LEKR1: variants seen among roughly 807,000 people sequenced by gnomAD.
The protein encoded by LEKR1 is leucine, glutamate and lysine rich 1.
A neutral mutation model predicts 72.4 loss-of-function variants in LEKR1; 59 were observed. The ratio of observed to expected loss-of-function variants is 0.82; its 90% CI spans 0.66 to 1.01. The LOEUF is 1.01. LEKR1 is among the 50% of genes least tolerant of loss of function. LEKR1 has a pLI of 0.00. For missense variants in LEKR1, 728 were observed against 759.2 expected, an observed-to-expected ratio of 0.96 and a Z score of 0.48; for synonymous variants, 257 against 263.2, an observed-to-expected ratio of 0.98 and a Z score of 0.23.
chr3:156,859,592 T>A (rs1716517522), intron 3 of LEKR1, among the ~76,000 whole-genome samples: 1 of 152,172 alleles, frequency 6.6e-6, no homozygotes, highest in African/African-American at 2.4e-5. Context: ...TGACACATCA[T>A]CATCATCCCA....
chr3:156,852,897 C>A lies in LEKR1; in HGVS notation c.178C>A (p.Arg60Ser), dbSNP rs139200350. 2.0e-6 allele frequency: 3 copies of A among 1,522,762 alleles called. No homozygotes were observed. In the South Asian group the frequency reaches 3.6e-5, roughly 18 times the overall value. The allele number at this position is 1,522,762 out of a possible 1,614,324, so 94.3% of individuals were successfully genotyped here. A position where few individuals can be genotyped will look rare whatever the true frequency, so the allele number is the denominator to read the frequency against. ...EMKFYQGSVD[R>S]EKRLQEKLHS... Reference sequence around the variant, plus strand: ...GAAATTTTATCAAGGAAGTGTAGATCGTGAAAAGAGACTTCAAGAAAAGCT... The same window carrying A: ...GAAATTTTATCAAGGAAGTGTAGATAGTGAAAAGAGACTTCAAGAAAAGCT... Residue 60 changes from arginine (R) to serine (S), a missense_variant, in exon 3 of 13, where the codon CGT (arginine) becomes AGT (serine). Physicochemically the swap from Arg to Ser is moderately radical, Grantham distance 110. Transcript: ENST00000356539.
At chr3:156,848,903 T>G (rs1399858922) in intron 2 of LEKR1, among the ~76,000 whole-genome samples, 1 of 152,178 alleles carries the variant, frequency 6.6e-6, no homozygotes, top group Non-Finnish European at 1.5e-5. Context: ...TATTCATTTT[T>G]TATTATTATA....
intron 3 of LEKR1, among the ~76,000 whole-genome samples, chr3:156,874,229 CTT>C (rs1222091138): frequency 6.6e-6 from 1 of 151,866 alleles, no homozygotes; most frequent in Non-Finnish European, 1.5e-5. Context: ...ATATCTTTCT[CTT>C]TGGTAAAATT....
intron 7 of LEKR1, among the ~76,000 whole-genome samples, chr3:156,989,058 C>CT: frequency 6.6e-6 from 1 of 152,034 alleles, no homozygotes; most frequent in Non-Finnish European, 1.5e-5. Flanking sequence ...GTCTTGAACT[C>CT]TGACTTCATG....
chr3:156,934,259 T>C (rs1331762892), intron 5 of LEKR1, among the ~76,000 whole-genome samples: 1 of 152,210 alleles, frequency 6.6e-6, no homozygotes, highest in Non-Finnish European at 1.5e-5. Context: ...GAGTGCTGTA[T>C]TACTAGTGTT....
intron 2 of LEKR1, among the ~76,000 whole-genome samples, chr3:156,846,989 A>C (rs945784905): frequency 6.6e-6 from 1 of 151,836 alleles, no homozygotes; most frequent in Non-Finnish European, 1.5e-5. Flanking sequence ...ATTTTTAAAA[A>C]ATTTTTTGTA....
intron 3 of LEKR1, among the ~76,000 whole-genome samples, chr3:156,891,604 A>G (rs1720674419): frequency 2.6e-5 from 4 of 152,210 alleles, no homozygotes; most frequent in Non-Finnish European, 5.9e-5. Context: ...CCATAACTCA[A>G]CTGAATGTGG....
At chr3:156,870,300 G>T (rs1253782681) in intron 3 of LEKR1, among the ~76,000 whole-genome samples, 1 of 151,984 alleles carries the variant, frequency 6.6e-6, no homozygotes, top group African/African-American at 2.4e-5. Flanking sequence ...CATTGCTATG[G>T]TCATTTTAAT....
At chr3:157,038,459 G>T (rs958627366) in intron 12 of LEKR1, among the ~76,000 whole-genome samples, 1 of 152,196 alleles carries the variant, frequency 6.6e-6, no homozygotes, top group African/African-American at 2.4e-5. Context: ...TGGAGATGTC[G>T]ATTTTGGACA....
At chr3:157,013,219 C>G (rs1733044131) in intron 10 of LEKR1, among the ~76,000 whole-genome samples, 1 of 152,246 alleles carries the variant, frequency 6.6e-6, no homozygotes, top group Admixed American at 6.5e-5. Context: ...TGAGCTCCTT[C>G]TCTTAGTATG....
rs761539232 is a variant in LEKR1, at chr3:157,020,533, G to GT, written c.1204-4221dup. On this transcript the variant is annotated intron_variant, in intron 10 of 12. Coordinates refer to ENST00000356539, the MANE Select transcript of LEKR1 (RefSeq NM_001004316.3). ...TATGAGTGAGAACACGCGGTGTTTG[G>GT]TTTTTTGTCCTTGCGATAGTTTACT... Among the ~76,000 whole-genome samples, 25 of 147,484 alleles carry GT rather than the reference G, an allele frequency of 1.7e-4. No individual in the cohort carries two copies. In the South Asian group the frequency reaches 4.2e-3, roughly 24 times the overall value.
intron 3 of LEKR1, among the ~76,000 whole-genome samples, chr3:156,871,890 AT>A (rs1462222628): frequency 6.6e-6 from 1 of 151,880 alleles, no homozygotes; most frequent in Non-Finnish European, 1.5e-5. Flanking sequence ...TTGGCTTATA[AT>A]TTTATTTTTA....
At chr3:157,018,079 A>C (rs925426158) in intron 10 of LEKR1, among the ~76,000 whole-genome samples, 1 of 152,150 alleles carries the variant, frequency 6.6e-6, no homozygotes, top group African/African-American at 2.4e-5. Flanking sequence ...AATAATGACA[A>C]AGGGATCAGT....
chr3:157,012,913 T>C (rs1733008163), intron 10 of LEKR1, among the ~76,000 whole-genome samples: 1 of 152,064 alleles, frequency 6.6e-6, no homozygotes, highest in Non-Finnish European at 1.5e-5. Flanking sequence ...GTTTAAAAAT[T>C]GAAAAAGAAG....
intron 3 of LEKR1, 61 bp from the exon 4 acceptor site, chr3:156,920,514 T>A: frequency 9.9e-7 from 1 of 1,006,626 alleles, no homozygotes; most frequent in Non-Finnish European, 1.4e-6. Flanking sequence ...TATATTTAAA[T>A]GTTAACTTGA....
chr3:157,037,596 A>G (rs1577028538), intron 12 of LEKR1, among the ~76,000 whole-genome samples: 1 of 152,170 alleles, frequency 6.6e-6, no homozygotes, highest in East Asian at 1.9e-4. Context: ...TTATTCCCCA[A>G]GTCTAAGTGC....
intron 9 of LEKR1, among the ~76,000 whole-genome samples, chr3:156,995,171 T>C (rs1453273403): frequency 6.6e-6 from 1 of 152,222 alleles, no homozygotes; most frequent in Non-Finnish European, 1.5e-5. Flanking sequence ...TGACTGCAGT[T>C]TGAAGAGGGG....
In LEKR1 at chr3:156,830,900, G is replaced by A. The variant is rs142271541; in HGVS notation, c.48+1523G>A. 3.8e-3 allele frequency among the ~76,000 whole-genome samples: 580 copies of A among 152,302 alleles called. 7 individuals are homozygous for A. Among genetic ancestry groups the A allele is most frequent in the Non-Finnish European group, 5.8e-3 (397 of 68,014 alleles). On this transcript the variant is annotated intron_variant, in intron 2 of 12. Coordinates refer to ENST00000356539, the MANE Select transcript of LEKR1 (RefSeq NM_001004316.3). ...TTGCTGACCAAGATGCAGCAGACAA[G>A]TTCCCAGATGTCATTAAGAAAATCA...
chr3:156,846,704 A>C (rs149649610), intron 2 of LEKR1, among the ~76,000 whole-genome samples: 1 of 152,308 alleles, frequency 6.6e-6, no homozygotes, highest in African/African-American at 2.4e-5. Flanking sequence ...TTAGTATTTC[A>C]TACTGCTATC....
Sources: gnomAD v4.1 joint callset for allele counts (sites outside exome capture counted in the v4.1 genomes callset) on GRCh38, gnomAD v4.1.1 for gene constraint, MANE v1.5 for transcripts, NCBI Gene and HGNC (gene_info 2026-07-23, HGNC 2026-07-21) for gene names.